AFF3: variants seen among roughly 807,000 people sequenced by gnomAD.
The protein encoded by AFF3 is AF4/FMR2 family member 3.
AFF3 carries 32 observed loss-of-function variants against 129.7 expected under a neutral mutation model. The ratio of observed to expected loss-of-function variants is 0.25; its 90% confidence interval spans 0.19 to 0.33. AFF3 has a LOEUF of 0.33. AFF3 is among the 10% of genes least tolerant of loss of function. AFF3 has a pLI of 1.00. For synonymous variants in AFF3, 644 were observed against 635.4 expected (o/e 1.01, Z -0.20); for missense variants, 1,373 against 1,592.0 (o/e 0.86, Z 2.34).
At chr2:100,108,586 C>A (rs1691401803) in intron 2 of AFF3, among the ~76,000 whole-genome samples, 1 of 152,080 alleles carries the variant, frequency 6.6e-6, no homozygotes, top group Admixed American at 6.5e-5. Context: ...AAGCCAGGGT[C>A]ATTTCAGAGA....
At chr2:99,551,690 A>G in intron 24 of AFF3, 95 bp from the exon 25 acceptor site, 1 of 1,474,962 alleles carries the variant, frequency 6.8e-7, no homozygotes. Context: ...CATGGTCTCT[A>G]TATAAATCAA....
At chr2:100,005,849 G>T (rs1445030834) in intron 7 of AFF3, among the ~76,000 whole-genome samples, 1 of 152,046 alleles carries the variant, frequency 6.6e-6, no homozygotes, top group Non-Finnish European at 1.5e-5. Flanking sequence ...ATCAAATTAA[G>T]ATACAAAGAA....
intron 8 of AFF3, among the ~76,000 whole-genome samples, chr2:99,753,883 C>T (rs1035583915): frequency 6.6e-6 from 1 of 152,200 alleles, no homozygotes; most frequent in Admixed American, 6.5e-5. Flanking sequence ...GTCCCTCTCT[C>T]CTCCCATCTC....
chr2:99,829,477 T>A (rs928830815), intron 8 of AFF3, among the ~76,000 whole-genome samples: 2 of 152,156 alleles, frequency 1.3e-5, no homozygotes, highest in African/African-American at 4.8e-5. Flanking sequence ...GCGAAGGATA[T>A]GAACAGACAC....
At chr2:99,928,959 C>T (rs1489371314) in intron 7 of AFF3, among the ~76,000 whole-genome samples, 2 of 152,158 alleles carry the variant, frequency 1.3e-5, no homozygotes, top group South Asian at 4.1e-4. Flanking sequence ...AGAAACACCA[C>T]AGGAGCCACA....
At chr2:99,808,861 A>G (rs966076221) in intron 8 of AFF3, among the ~76,000 whole-genome samples, 7 of 152,250 alleles carry the variant, frequency 4.6e-5, no homozygotes, top group African/African-American at 1.2e-4. Context: ...ACCATTTTCC[A>G]TAATACACTG....
chr2:99,948,564 C>T (rs1022594653), intron 7 of AFF3, among the ~76,000 whole-genome samples: 11 of 152,308 alleles, frequency 7.2e-5, no homozygotes, highest in South Asian at 2.1e-4. Context: ...GGGCAGCAAG[C>T]GCCTCCATGT....
intron 7 of AFF3, among the ~76,000 whole-genome samples, chr2:99,852,410 A>C (rs1386224842): frequency 6.6e-6 from 1 of 152,204 alleles, no homozygotes; most frequent in Middle Eastern, 3.4e-3. Context: ...TCCCGGAAAA[A>C]CCCTCCTGAA....
intron 13 of AFF3, among the ~76,000 whole-genome samples, chr2:99,622,253 C>T (rs1009156222): frequency 6.6e-6 from 1 of 152,094 alleles, no homozygotes; most frequent in African/African-American, 2.4e-5. Flanking sequence ...GGCTGTGCCC[C>T]CAGAGGACCC....
intron 4 of AFF3, among the ~76,000 whole-genome samples, chr2:100,048,229 C>T (rs1685997265): frequency 6.6e-6 from 1 of 152,212 alleles, no homozygotes; most frequent in Admixed American, 6.5e-5. Context: ...CATTGTACTG[C>T]ACTTACTCAT....
intron 8 of AFF3, among the ~76,000 whole-genome samples, chr2:99,753,850 T>C (rs983841642): frequency 6.6e-6 from 1 of 152,200 alleles, no homozygotes; most frequent in African/African-American, 2.4e-5. Flanking sequence ...AAAGCAAAGG[T>C]GGATCCAGTG....
At chr2:99,704,904 T>A (rs1379219061) in intron 11 of AFF3, among the ~76,000 whole-genome samples, 2 of 152,032 alleles carry the variant, frequency 1.3e-5, no homozygotes, top group African/African-American at 4.8e-5. Context: ...CAGGAAGACA[T>A]CAGAGTTAGA....
intron 16 of AFF3, 93 bp from the exon 17 acceptor site, chr2:99,583,092 T>A: frequency 3.6e-6 from 4 of 1,113,734 alleles, no homozygotes; most frequent in Non-Finnish European, 5.3e-6. Context: ...AACTGGGACC[T>A]GTTGGTAGGA....
At chr2:99,874,929 G>T (rs369414608) in intron 7 of AFF3, among the ~76,000 whole-genome samples, 10 of 152,130 alleles carry the variant, frequency 6.6e-5, no homozygotes, top group African/African-American at 2.2e-4. Context: ...CGGAGAAAAA[G>T]AAGTAAATAT....
chr2:99,811,775 G>A (rs1686809951), intron 8 of AFF3, among the ~76,000 whole-genome samples: 1 of 152,224 alleles, frequency 6.6e-6, no homozygotes, highest in Admixed American at 6.5e-5. Context: ...GCAGAACAAC[G>A]TGGCAATGTG....
At chr2:99,986,145 G>A (rs1480113781) in intron 7 of AFF3, among the ~76,000 whole-genome samples, 1 of 150,710 alleles carries the variant, frequency 6.6e-6, no homozygotes, top group African/African-American at 2.4e-5. Flanking sequence ...AGCTTGCCGT[G>A]AGCTGGGGTC....
chr2:99,690,190 T>TATTATTA (rs1553431349), intron 11 of AFF3, among the ~76,000 whole-genome samples: 23 of 139,092 alleles, frequency 1.7e-4, no homozygotes, highest in African/African-American at 6.2e-4. Flanking sequence ...TTATTATTAT[T>TATTATTA]ATTATTATTT....
At chr2:99,948,948 A>G (rs1441653495) in intron 7 of AFF3, among the ~76,000 whole-genome samples, 2 of 152,216 alleles carry the variant, frequency 1.3e-5, no homozygotes, top group Non-Finnish European at 2.9e-5. Context: ...GGAAAAATAA[A>G]GGTAAATACA....
rs553468043 is a variant in AFF3 at position 100,062,387 on chromosome 2, T to C, written c.53+42015A>G. ...ATGAATGAATGAAAACCAATTATTATTGTTTTGTTGGGTTCAGAGGAAATG... is the reference window on the plus strand; with the variant it reads ...ATGAATGAATGAAAACCAATTATTACTGTTTTGTTGGGTTCAGAGGAAATG... On this transcript the variant is annotated intron_variant, in intron 4 of 24. Coordinates refer to ENST00000672756, the MANE Select transcript of AFF3 (RefSeq NM_001386135.1). 2.0e-5 allele frequency among the ~76,000 whole-genome samples: 3 copies of C among 152,294 alleles called. No homozygotes were observed. The South Asian group carries it at 6.2e-4, about 32-fold the overall frequency.
Sources: gnomAD v4.1 joint callset for allele counts (sites outside exome capture counted in the v4.1 genomes callset) on GRCh38, gnomAD v4.1.1 for gene constraint, MANE v1.5 for transcripts, NCBI Gene and HGNC (gene_info 2026-07-23, HGNC 2026-07-21) for gene names.